Variants in SGIP1 observed in about 807,000 individuals in gnomAD.
The protein encoded by SGIP1 is SH3-containing GRB2-like protein 3-interacting protein 1.
SGIP1 carries 38 observed loss-of-function variants against 107.5 expected under a neutral mutation model. The observed-to-expected ratio is 0.35, with a 90% CI of 0.27 to 0.46. The LOEUF (loss-of-function observed/expected upper bound fraction) is 0.46. SGIP1 is among the 20% of genes least tolerant of loss of function. The pLI is 1.00. For synonymous variants in SGIP1, 365 were observed against 366.1 expected (o/e 1.00, Z 0.03); for missense variants, 929 against 1,019.5 (o/e 0.91, Z 1.21).
chr1:66,661,695 T>C (rs1273861535), intron 8 of SGIP1, among the ~76,000 whole-genome samples: 1 of 152,172 alleles, frequency 6.6e-6, no homozygotes, highest in Non-Finnish European at 1.5e-5. Context: ...CTTTACCAAT[T>C]TCATTTATTC....
chr1:66,671,245 CAT>C (rs777003582), intron 10 of SGIP1, among the ~76,000 whole-genome samples: 10 of 152,032 alleles, frequency 6.6e-5, no homozygotes, highest in African/African-American at 9.7e-5. Context: ...TTTGGAAAAA[CAT>C]TGCTATTTTC....
intron 19 of SGIP1, among the ~76,000 whole-genome samples, chr1:66,727,648 A>G (rs1278520543): frequency 6.6e-6 from 1 of 152,208 alleles, no homozygotes; most frequent in African/African-American, 2.4e-5. Context: ...TCAGTAGGTG[A>G]ATGTATTTTT....
intron 18 of SGIP1, among the ~76,000 whole-genome samples, chr1:66,715,610 A>C (rs2093193043): frequency 6.6e-6 from 1 of 152,112 alleles, no homozygotes; most frequent in African/African-American, 2.4e-5. Flanking sequence ...CTTTAAAACA[A>C]AGCACACAAG....
chr1:66,646,105 T>C (rs576989967), intron 7 of SGIP1, among the ~76,000 whole-genome samples: 31 of 152,148 alleles, frequency 2.0e-4, no homozygotes, highest in Non-Finnish European at 3.7e-4. Context: ...CTTCCCAAAG[T>C]GCTGGGATTA....
chr1:66,578,244 ATATCTGCAGG>A (rs67151790), intron 1 of SGIP1, among the ~76,000 whole-genome samples: 50,878 of 151,558 alleles, frequency 0.34, 9,147 homozygotes, highest in African/African-American at 0.48. Context: ...CTGAGTCAGG[ATATCTGCAGG>A]TATCTGCAGG....
chr1:66,709,357 C>T (rs528521323), intron 18 of SGIP1, among the ~76,000 whole-genome samples: 9 of 152,010 alleles, frequency 5.9e-5, no homozygotes, highest in Non-Finnish European at 8.8e-5. Context: ...TGGGTAAGGA[C>T]GAGGCCTATG....
rs1396087977 is a variant in SGIP1 at position 66,750,019 on chromosome 1, C to G, written c.*6924C>G. On this transcript the variant is annotated 3_prime_UTR_variant, in exon 25 of 25. Transcript: ENST00000371037. ...ATTCTCTCTCTCTCTCTCTCTCTTTCTCTGTGTGTGTGTGGGGGTGTGTGT... is the reference window on the plus strand; with the variant it reads ...ATTCTCTCTCTCTCTCTCTCTCTTTGTCTGTGTGTGTGTGGGGGTGTGTGT... Among the ~76,000 whole-genome samples, 1 of 88,240 alleles carries G rather than the reference C, an allele frequency of 1.1e-5. No homozygotes were observed. Among genetic ancestry groups the G allele is most frequent in the Non-Finnish European group, 2.5e-5 (1 of 39,616 alleles). The allele number at this position is 88,240 out of a possible 152,430, so 57.9% of individuals were successfully genotyped here.
chr1:66,617,125 C>T (rs1340747323), intron 1 of SGIP1, among the ~76,000 whole-genome samples: 4 of 152,098 alleles, frequency 2.6e-5, no homozygotes, highest in Non-Finnish European at 4.4e-5. Flanking sequence ...ACATGCCGAC[C>T]GACTTTGAAC....
At chr1:66,640,198 G>T (rs192467950) in intron 5 of SGIP1, among the ~76,000 whole-genome samples, 1,943 of 152,258 alleles carry the variant, frequency 0.013, 48 homozygotes, top group African/African-American at 0.044. Context: ...AGCTGTGTGT[G>T]GCCTTGGAGT....
At chr1:66,633,193 A>G in intron 3 of SGIP1, 99 bp downstream of exon 3, 1 of 788,210 alleles carries the variant, frequency 1.3e-6, no homozygotes, top group Non-Finnish European at 2.2e-6. Context: ...GGAAAAAAAT[A>G]GCTTGAATGA....
intron 1 of SGIP1, among the ~76,000 whole-genome samples, chr1:66,560,406 G>A (rs961348428): frequency 1.3e-5 from 2 of 151,948 alleles, no homozygotes. Context: ...GATGCCCAAC[G>A]CTTTCTTGAT....
chr1:66,559,819 G>A (rs564408261), intron 1 of SGIP1, among the ~76,000 whole-genome samples: 2 of 152,180 alleles, frequency 1.3e-5, no homozygotes, highest in South Asian at 2.1e-4. Flanking sequence ...CCGGGGGGGT[G>A]GATGACTGGG....
chr1:66,588,638 CTTTTT>C (rs35096597), intron 1 of SGIP1, among the ~76,000 whole-genome samples: 9 of 98,680 alleles, frequency 9.1e-5, no homozygotes, highest in African/African-American at 3.3e-4. Context: ...CTAGTTAGTT[CTTTTT>C]TTTTTTTTTT....
At chr1:66,551,632 A>G (rs563391967) in intron 1 of SGIP1, among the ~76,000 whole-genome samples, 2 of 152,124 alleles carry the variant, frequency 1.3e-5, no homozygotes, top group Non-Finnish European at 2.9e-5. Context: ...AAACATGCCA[A>G]TCCTCTCCAA....
Position 66,687,941 on chromosome 1 carries a change from G to T in SGIP1, c.1316-1207G>T, listed in dbSNP as rs142130467. ...AGATTATTTAAACAAGAGGAGCAAGGTTTAATCCCCCAGGGACTCTCCTAA... is the reference window on the plus strand; with the variant it reads ...AGATTATTTAAACAAGAGGAGCAAGTTTTAATCCCCCAGGGACTCTCCTAA... On this transcript the variant is annotated intron_variant, in intron 15 of 24. Transcript: ENST00000371037. Among the ~76,000 whole-genome samples, 280 of 152,288 alleles carry T rather than the reference G, an allele frequency of 1.8e-3. 1 individual carries two copies. Among genetic ancestry groups the T allele is most frequent in the Non-Finnish European group, 3.3e-3 (227 of 68,032 alleles).
chr1:66,627,421 T>C (rs905232494), intron 2 of SGIP1, among the ~76,000 whole-genome samples: 3 of 152,072 alleles, frequency 2.0e-5, no homozygotes, highest in African/African-American at 7.2e-5. Context: ...AATGTGATAA[T>C]GGAAGGCAAG....
chr1:66,743,015 T>G, intron 24 of SGIP1, 58 bp from the exon 25 acceptor site: 1 of 1,586,644 alleles, frequency 6.3e-7, no homozygotes, highest in Non-Finnish European at 8.7e-7. Context: ...GTTACCCATA[T>G]AATAATTACA....
chr1:66,700,411 G>A (rs1008444501), intron 18 of SGIP1, among the ~76,000 whole-genome samples: 1 of 149,240 alleles, frequency 6.7e-6, no homozygotes, highest in African/African-American at 2.5e-5. Context: ...TTCAAACTCT[G>A]GCCACCTAGC....
At chr1:66,549,108 G>T (rs1469465574) in intron 1 of SGIP1, among the ~76,000 whole-genome samples, 6 of 152,214 alleles carry the variant, frequency 3.9e-5, no homozygotes, top group African/African-American at 1.4e-4. Flanking sequence ...CCCTGGGCAA[G>T]CCTGAGCTTA....
Sources: gnomAD v4.1 joint callset for allele counts (sites outside exome capture counted in the v4.1 genomes callset) on GRCh38, gnomAD v4.1.1 for gene constraint, MANE v1.5 for transcripts, NCBI Gene and HGNC (gene_info 2026-07-23, HGNC 2026-07-21) for gene names.